The following ROBO2 variants were observed in gnomAD, a reference collection of about 807,000 sequenced individuals.
The protein encoded by ROBO2 is roundabout homolog 2.
In ROBO2, 53 loss-of-function variants were observed where a neutral mutation model predicts 160.8. The ratio of observed to expected loss-of-function variants is 0.33; its 90% CI spans 0.26 to 0.41. The LOEUF (loss-of-function observed/expected upper bound fraction) is 0.41, where lower values mean the gene tolerates loss of function less well. Ranked by LOEUF, ROBO2 falls within the 10% of genes least tolerant of loss-of-function variation. ROBO2 has a pLI of 1.00. For missense variants in ROBO2, 1,577 were observed against 1,722.4 expected (o/e 0.92, Z 1.49); for synonymous variants, 664 against 611.7 (o/e 1.09, Z -1.26).
intron 2 of ROBO2, among the ~76,000 whole-genome samples, chr3:76,246,737 C>A (rs1284105769): frequency 6.6e-6 from 1 of 152,064 alleles, no homozygotes; most frequent in African/African-American, 2.4e-5. Flanking sequence ...GCATCTAATT[C>A]TCTAATCAGT....
intron 2 of ROBO2, among the ~76,000 whole-genome samples, chr3:76,011,815 A>G (rs2035703): frequency 0.34 from 51,930 of 151,812 alleles, 8,909 homozygotes; most frequent in Admixed American, 0.37. Flanking sequence ...TCTTTCAGCA[A>G]TATCACCCAG....
At chr3:76,041,871 A>G (rs2067284790) in intron 2 of ROBO2, among the ~76,000 whole-genome samples, 1 of 152,010 alleles carries the variant, frequency 6.6e-6, no homozygotes, top group Non-Finnish European at 1.5e-5. Context: ...ATTGCCATTC[A>G]TTGACATATG....
At chr3:76,500,732 T>C (rs1300926287) in intron 2 of ROBO2, among the ~76,000 whole-genome samples, 1 of 152,200 alleles carries the variant, frequency 6.6e-6, no homozygotes, top group East Asian at 1.9e-4. Flanking sequence ...TTAAAGTCAG[T>C]TCTAGAAGAT....
At chr3:77,174,926 A>G (rs1196970793) in intron 2 of ROBO2, among the ~76,000 whole-genome samples, 2 of 152,082 alleles carry the variant, frequency 1.3e-5, no homozygotes, top group South Asian at 4.1e-4. Flanking sequence ...ATCCTGAAAC[A>G]CTAATATTAT....
chr3:76,460,867 C>A (rs2078047652), intron 2 of ROBO2, among the ~76,000 whole-genome samples: 1 of 152,044 alleles, frequency 6.6e-6, no homozygotes, highest in Non-Finnish European at 1.5e-5. Context: ...AGAAAAATAC[C>A]AAGACATGTT....
chr3:76,659,301 G>A (rs2091715889), intron 2 of ROBO2, among the ~76,000 whole-genome samples: 1 of 149,426 alleles, frequency 6.7e-6, no homozygotes, highest in African/African-American at 2.4e-5. Flanking sequence ...TGAGGAATGT[G>A]TGTGAAAAAT....
intron 2 of ROBO2, among the ~76,000 whole-genome samples, chr3:76,135,127 G>A (rs573165009): frequency 2.6e-5 from 4 of 152,090 alleles, no homozygotes; most frequent in African/African-American, 9.6e-5. Context: ...GGAGTGTGTG[G>A]GGCAAGATTC....
intron 2 of ROBO2, among the ~76,000 whole-genome samples, chr3:76,247,273 A>C (rs1301171655): frequency 1.3e-5 from 2 of 152,126 alleles, no homozygotes; most frequent in African/African-American, 4.8e-5. Context: ...TTTTATGGCC[A>C]CTGCTCCAAT....
chr3:77,169,324 AGCCC>A (rs2079405430), intron 2 of ROBO2, among the ~76,000 whole-genome samples: 1 of 152,200 alleles, frequency 6.6e-6, no homozygotes, highest in East Asian at 1.9e-4. Context: ...TGATTAAAAT[AGCCC>A]TGTTTGAATT....
intron 12 of ROBO2, among the ~76,000 whole-genome samples, chr3:77,566,144 T>C (rs1360062249): frequency 6.6e-6 from 1 of 152,090 alleles, no homozygotes; most frequent in Non-Finnish European, 1.5e-5. Context: ...TCGGTGATAG[T>C]AACTAGCATG....
chr3:76,436,834 A>G (rs894274488), intron 2 of ROBO2, among the ~76,000 whole-genome samples: 1 of 152,136 alleles, frequency 6.6e-6, no homozygotes, highest in Non-Finnish European at 1.5e-5. Flanking sequence ...CTTTAGCTTG[A>G]CCTTACTTTC....
At chr3:77,226,769 C>A (rs2086551297) in intron 2 of ROBO2, among the ~76,000 whole-genome samples, 1 of 152,098 alleles carries the variant, frequency 6.6e-6, no homozygotes, top group Admixed American at 6.6e-5. Flanking sequence ...TCATCTCACA[C>A]AAAGCCTACA....
chr3:76,901,533 A>T (rs1463799629), intron 2 of ROBO2, among the ~76,000 whole-genome samples: 1 of 133,760 alleles, frequency 7.5e-6, no homozygotes, highest in Non-Finnish European at 1.5e-5. Context: ...GCACCATTGT[A>T]CTCCATCCTG....
intron 2 of ROBO2, among the ~76,000 whole-genome samples, chr3:76,705,617 T>G (rs1229962922): frequency 6.6e-6 from 1 of 152,074 alleles, no homozygotes; most frequent in Admixed American, 6.6e-5. Context: ...ATGCAAAATA[T>G]TTAGGGCTGA....
At chr3:77,099,071 CTTT>C (rs750626067) in intron 2 of ROBO2, among the ~76,000 whole-genome samples, 3 of 121,248 alleles carry the variant, frequency 2.5e-5, no homozygotes, top group Admixed American at 9.4e-5. Flanking sequence ...TTCTTTCTTT[CTTT>C]TTTTTTTTTT....
At chr3:75,970,716 C>T (rs983598757) in intron 2 of ROBO2, among the ~76,000 whole-genome samples, 4 of 151,424 alleles carry the variant, frequency 2.6e-5, no homozygotes, top group African/African-American at 9.7e-5. Flanking sequence ...GTTTGAAGCA[C>T]ACATTCTCTT....
chr3:76,112,055 T>G lies in ROBO2; in HGVS notation c.109+174453T>G, dbSNP rs562053924. On this transcript the variant is annotated intron_variant, in intron 2 of 26. Coordinates refer to the ROBO2 transcript ENST00000487694. ...ACTCTTAAACTTTACTCTGAGCTAA[T>G]AAGTCACCAGTGGCCTCCCCTTCTA... 4.6e-5 allele frequency among the ~76,000 whole-genome samples: 7 copies of G among 152,222 alleles called. No homozygotes were observed. The South Asian group carries it at 1.2e-3, about 27-fold the overall frequency.
chr3:77,011,078 T>TTTC (rs1156854328), intron 2 of ROBO2, among the ~76,000 whole-genome samples: 8 of 137,916 alleles, frequency 5.8e-5, no homozygotes, highest in African/African-American at 2.4e-4. Flanking sequence ...TCTTTCTTTC[T>TTTC]TTCTTTCTTT....
At chr3:77,563,524 T>A (rs2093394155) in intron 11 of ROBO2, among the ~76,000 whole-genome samples, 195 bp downstream of exon 12, 1 of 152,160 alleles carries the variant, frequency 6.6e-6, no homozygotes, top group Non-Finnish European at 1.5e-5. Flanking sequence ...AAGATTTAAA[T>A]ATGCATTATT....
Sources: allele counts gnomAD v4.1 joint callset (sites outside exome capture counted in the v4.1 genomes callset), GRCh38; gene constraint gnomAD v4.1.1; transcripts MANE v1.5; gene names NCBI Gene and HGNC (gene_info 2026-07-23, HGNC 2026-07-21).